The following PIGL variants were observed in gnomAD, a reference collection of about 807,000 sequenced individuals.
PIGL encodes the protein phosphatidylinositol glycan anchor biosynthesis class L, also known as N-acetylglucosaminyl-phosphatidylinositol de-N-acetylase.
In PIGL, 22 loss-of-function variants were observed where a neutral mutation model predicts 31.1. The observed-to-expected ratio is 0.71, with a 90% CI of 0.51 to 1.01. The LOEUF (loss-of-function observed/expected upper bound fraction) is 1.01. Among genes scored for constraint, PIGL ranks in the 50% least tolerant of loss-of-function variants. The pLI, the probability that PIGL is intolerant of heterozygous loss-of-function variation, is 0.00. For missense variants in PIGL, 302 were observed against 315.9 expected (o/e 0.96, Z 0.33); for synonymous variants, 131 against 117.4 (o/e 1.12, Z -0.75).
intron 1 of PIGL, among the ~76,000 whole-genome samples, chr17:16,229,234 T>C (rs1395068719): frequency 6.6e-6 from 1 of 152,030 alleles, no homozygotes; most frequent in Non-Finnish European, 1.5e-5. Flanking sequence ...CTCTGATCAG[T>C]CTGCTGCATT....
At chr17:16,318,743 C>A (rs1403932367) in intron 6 of PIGL, among the ~76,000 whole-genome samples, 1 of 150,686 alleles carries the variant, frequency 6.6e-6, no homozygotes, top group Non-Finnish European at 1.5e-5. Flanking sequence ...CCAGCCTGGC[C>A]AACATGTTGA....
chr17:16,325,725 C>A, intron 6 of PIGL, 75 bp from the exon 7 acceptor site: 2 of 1,061,408 alleles, frequency 1.9e-6, no homozygotes, highest in Non-Finnish European at 1.5e-6. Context: ...ATTTAAGGTG[C>A]GGAGGCCAGA....
At chr17:16,293,035 C>T (rs1313229727) in intron 2 of PIGL, among the ~76,000 whole-genome samples, 1 of 152,146 alleles carries the variant, frequency 6.6e-6, no homozygotes, top group African/African-American at 2.4e-5. Flanking sequence ...AGGCCTTGAG[C>T]TGATTAGGGT....
At chr17:16,224,565 C>A (rs2092643622) in intron 1 of PIGL, among the ~76,000 whole-genome samples, 1 of 152,104 alleles carries the variant, frequency 6.6e-6, no homozygotes, top group South Asian at 2.1e-4. Flanking sequence ...TTCTTGGCCT[C>A]CCAAAGTGCT....
chr17:16,234,308 A>G lies in PIGL; in HGVS notation c.335+238A>G, dbSNP rs147177803. On this transcript the variant is annotated intron_variant, in intron 2 of 6. Coordinates refer to ENST00000225609, the MANE Select transcript of PIGL (RefSeq NM_004278.4). ...AAACCGCATCTCTACTAAAAATACA[A>G]AAATTAGCTGGGCATTGTGGTCCAG... 1.9e-4 allele frequency among the ~76,000 whole-genome samples: 29 copies of G among 151,748 alleles called. No individual in the cohort carries two copies. In the East Asian group the frequency reaches 4.9e-3, roughly 25 times the overall value.
intron 2 of PIGL, among the ~76,000 whole-genome samples, chr17:16,296,747 C>G (rs1053156853): frequency 6.6e-6 from 1 of 151,714 alleles, no homozygotes; most frequent in Non-Finnish European, 1.5e-5. Context: ...CTTGAAGTCT[C>G]GCTCTGTTGC....
chr17:16,227,578 C>CTTTTTTTTTTTTTTTTT (rs57452229), intron 1 of PIGL, among the ~76,000 whole-genome samples: 6 of 103,196 alleles, frequency 5.8e-5, no homozygotes, highest in East Asian at 4.9e-4. Context: ...ATTTTCTTTT[C>CTTTTTTTTTTTTTTTTT]TTTTTTTTTT....
chr17:16,226,046 A>T (rs1341737866), intron 1 of PIGL, among the ~76,000 whole-genome samples: 1 of 151,654 alleles, frequency 6.6e-6, no homozygotes, highest in Non-Finnish European at 1.5e-5. Flanking sequence ...TGGCAGCTGC[A>T]TGTAGTCTCA....
intron 2 of PIGL, among the ~76,000 whole-genome samples, chr17:16,269,635 C>T (rs1477334862): frequency 1.4e-5 from 2 of 139,796 alleles, no homozygotes; most frequent in African/African-American, 2.7e-5. Context: ...GGTAACACAG[C>T]GAGACTCCGT....
At chr17:16,319,925 C>A (rs77888478) in intron 6 of PIGL, among the ~76,000 whole-genome samples, 8,573 of 151,732 alleles carry the variant, frequency 0.057, 808 homozygotes, top group African/African-American at 0.2. Flanking sequence ...AATTATTCCT[C>A]AGTTTGTCTC....
intron 3 of PIGL, among the ~76,000 whole-genome samples, chr17:16,301,838 G>A (rs1432823026): frequency 6.6e-6 from 1 of 151,938 alleles, no homozygotes; most frequent in Non-Finnish European, 1.5e-5. Context: ...CAAAGTGCTG[G>A]GATTACAGGC....
chr17:16,306,093 C>A (rs2093025086), intron 3 of PIGL, among the ~76,000 whole-genome samples: 1 of 152,116 alleles, frequency 6.6e-6, no homozygotes, highest in Admixed American at 6.6e-5. Context: ...GGACTACAGG[C>A]ACGCGCCACC....
At chr17:16,242,058 T>G (rs192758224) in intron 2 of PIGL, among the ~76,000 whole-genome samples, 1 of 152,066 alleles carries the variant, frequency 6.6e-6, no homozygotes, top group East Asian at 1.9e-4. Flanking sequence ...TCTTTGGGGT[T>G]TTTTTTTGTT....
chr17:16,307,876 C>T (rs113054834), intron 3 of PIGL, among the ~76,000 whole-genome samples: 6,388 of 147,948 alleles, frequency 0.043, 447 homozygotes, highest in African/African-American at 0.15. Flanking sequence ...GAGAGGAAGA[C>T]AGGATTTCAA....
intron 2 of PIGL, among the ~76,000 whole-genome samples, chr17:16,290,879 T>C (rs2092957545): frequency 6.6e-6 from 1 of 151,742 alleles, no homozygotes; most frequent in African/African-American, 2.4e-5. Context: ...AGGGTCTCAC[T>C]ATGTTGCCCA....
At chr17:16,297,585 C>G (rs912608227) in intron 2 of PIGL, among the ~76,000 whole-genome samples, 11 of 152,194 alleles carry the variant, frequency 7.2e-5, no homozygotes, top group African/African-American at 2.7e-4. Flanking sequence ...TTTCTCTGTT[C>G]CCATTGTCCA....
Position 16,326,035 on chromosome 17 carries a change from A to G in PIGL, c.*137A>G. 1 of 649,748 alleles carries G rather than the reference A, an allele frequency of 1.5e-6. No individual in the cohort carries two copies. The highest frequency in any genetic ancestry group is 2.7e-5 in the East Asian group (1 of 36,872). 40.2% of individuals were successfully genotyped at this position (649,748 alleles called of 1,614,324 possible). On this transcript the variant is annotated 3_prime_UTR_variant, in exon 7 of 7. Coordinates refer to ENST00000225609, the MANE Select transcript of PIGL (RefSeq NM_004278.4). The stretch of plus-strand genomic sequence containing the variant: ...GAGCAGCCTCTGCAAAAGGGAGCCC[A>G]TGTAGGCCAGGGGCTGTCCAAACTC...
intron 6 of PIGL, among the ~76,000 whole-genome samples, chr17:16,319,601 A>G (rs1271737335): frequency 6.6e-6 from 1 of 151,996 alleles, no homozygotes; most frequent in East Asian, 1.9e-4. Context: ...CTAAAATACA[A>G]AAAAGTAGCC....
intron 2 of PIGL, among the ~76,000 whole-genome samples, chr17:16,267,149 AAC>A (rs1380365011): frequency 6.6e-6 from 1 of 152,236 alleles, no homozygotes; most frequent in African/African-American, 2.4e-5. Context: ...CTAAACAATT[AAC>A]ACATATTTTG....
Sources: allele counts gnomAD v4.1 joint callset (sites outside exome capture counted in the v4.1 genomes callset), GRCh38; gene constraint gnomAD v4.1.1; transcripts MANE v1.5; gene names NCBI Gene and HGNC (gene_info 2026-07-23, HGNC 2026-07-21).